ARSJ: variants seen among roughly 807,000 people sequenced by gnomAD.
The protein encoded by ARSJ is arylsulfatase J.
Under a neutral mutation model 35.9 loss-of-function variants are expected in ARSJ, and 26 were observed. The observed-to-expected ratio is 0.72, with a 90% CI of 0.53 to 1.00. The LOEUF (loss-of-function observed/expected upper bound fraction) is 1.00, where lower values mean the gene tolerates loss of function less well. Among genes scored for constraint, ARSJ ranks in the 50% least tolerant of loss-of-function variants. The pLI is 0.00. For synonymous variants in ARSJ, 294 were observed against 267.6 expected (o/e 1.10, Z -0.96); for missense variants, 667 against 723.6 (o/e 0.92, Z 0.90).
At position 113,902,379 on chromosome 4, in the gene ARSJ, G is replaced by C. The variant is rs17046588; in HGVS notation, c.1695C>G (p.Ser565Arg). The stretch of plus-strand genomic sequence containing the variant: ...TTTGCTTTTTCTCAGCCTGATTTTT[G>C]CTTGGCTTCTTTTTCTTGGTTTCCT... ...YKEETKKKKP[S>R]KNQAEKKQKK... Residue 565 changes from serine to arginine, a missense_variant, in exon 2 of 2, where the codon AGC (serine) becomes AGG (arginine). Transcript: ENST00000315366. 1.6e-3 allele frequency: 2,613 copies of C among 1,613,268 alleles called. 21 individuals carry two copies. The African/African-American group carries it at 0.03, about 19-fold the overall frequency.
chr4:113,929,294 AG>A, intron 1 of ARSJ, among the ~76,000 whole-genome samples: 1 of 152,228 alleles, frequency 6.6e-6, no homozygotes, highest in South Asian at 2.1e-4. Context: ...AGAAACAAAC[AG>A]GGGTGTTGGG....
chr4:113,969,286 T>TCAGAACTAA (rs1727091247), intron 1 of ARSJ, among the ~76,000 whole-genome samples: 3 of 152,104 alleles, frequency 2.0e-5, no homozygotes, highest in Admixed American at 1.3e-4. Context: ...TTTGGACATC[T>TCAGAACTAA]CAGAACTAAC....
At chr4:113,974,076 A>G (rs752080536) in intron 1 of ARSJ, among the ~76,000 whole-genome samples, 14 of 152,158 alleles carry the variant, frequency 9.2e-5, no homozygotes, top group Non-Finnish European at 2.9e-5. Flanking sequence ...TGTGGGTCAA[A>G]TGGGTATACA....
At chr4:113,954,519 A>T (rs563592776) in intron 1 of ARSJ, among the ~76,000 whole-genome samples, 222 of 152,188 alleles carry the variant, frequency 1.5e-3, no homozygotes, top group Non-Finnish European at 2.4e-3. Context: ...GTATTTCGAA[A>T]ACTTGAAATT....
chr4:113,934,152 G>A (rs1724625845), intron 1 of ARSJ, among the ~76,000 whole-genome samples: 1 of 151,814 alleles, frequency 6.6e-6, no homozygotes, highest in African/African-American at 2.4e-5. Context: ...TACACTGCTG[G>A]TGGAAATATA....
intron 1 of ARSJ, among the ~76,000 whole-genome samples, chr4:113,930,198 T>C (rs1724344038): frequency 6.6e-6 from 1 of 152,094 alleles, no homozygotes; most frequent in South Asian, 2.1e-4. Flanking sequence ...TAACTTACAC[T>C]ATCACAAGGT....
Position 113,903,249 on chromosome 4 carries a change from A to G in ARSJ, c.825T>C (p.Pro275=). Residue 275 remains proline (P), a synonymous_variant, in exon 2 of 2, where the codon CCT becomes CCC. Transcript: ENST00000315366. ...YQAVHSPLQA[P]GRYFEHYRSI... ...ATCGGTAGTGTTCGAAATACCTGCCAGGAGCTTGCAGTGGTGAATGAACAG... is the reference window on the plus strand; with the variant it reads ...ATCGGTAGTGTTCGAAATACCTGCCGGGAGCTTGCAGTGGTGAATGAACAG... 6.2e-7 allele frequency: 1 copy of G among 1,614,214 alleles called. No homozygotes were observed. The highest frequency in any genetic ancestry group is 8.5e-7 in the Non-Finnish European group (1 of 1,180,034).
At chr4:113,909,947 T>C (rs145062521) in intron 1 of ARSJ, among the ~76,000 whole-genome samples, 8 of 152,310 alleles carry the variant, frequency 5.3e-5, no homozygotes, top group African/African-American at 1.7e-4. Context: ...ATCGATTATA[T>C]ATTTAACATT....
At chr4:113,917,472 A>T (rs1723385298) in intron 1 of ARSJ, among the ~76,000 whole-genome samples, 1 of 152,236 alleles carries the variant, frequency 6.6e-6, no homozygotes, top group African/African-American at 2.4e-5. Context: ...AAGTGCAAGG[A>T]TTAGCTAAAA....
intron 1 of ARSJ, among the ~76,000 whole-genome samples, chr4:113,960,191 C>A (rs984160028): frequency 3.9e-5 from 6 of 152,026 alleles, no homozygotes; most frequent in Admixed American, 2.0e-4. Flanking sequence ...TTGTAGTGGG[C>A]ATTTTACAAA....
chr4:113,929,624 G>C (rs1326995088), intron 1 of ARSJ, among the ~76,000 whole-genome samples: 3 of 152,146 alleles, frequency 2.0e-5, no homozygotes, highest in African/African-American at 7.2e-5. Context: ...TGGTGAGGCT[G>C]TGCAGGCACC....
At chr4:113,939,780 G>GT (rs761544821) in intron 1 of ARSJ, among the ~76,000 whole-genome samples, 20 of 151,646 alleles carry the variant, frequency 1.3e-4, no homozygotes, top group East Asian at 3.9e-4. Context: ...GTTTTGTTTT[G>GT]TTTTTTGTAA....
intron 1 of ARSJ, among the ~76,000 whole-genome samples, chr4:113,957,828 A>T (rs1404545016): frequency 1.3e-5 from 2 of 152,134 alleles, no homozygotes; most frequent in African/African-American, 4.8e-5. Flanking sequence ...TTATGATGTA[A>T]CAGCAGTCTA....
At chr4:113,935,471 C>T (rs10012647) in intron 1 of ARSJ, among the ~76,000 whole-genome samples, 17,186 of 151,712 alleles carry the variant, frequency 0.11, 1,178 homozygotes, top group African/African-American at 0.19. Flanking sequence ...AGACAGAAAA[C>T]CCTTTGGGTG....
In ARSJ at chr4:113,970,672, G is replaced by A. The variant is rs188487243; in HGVS notation, c.398+7765C>T. 1.4e-3 allele frequency among the ~76,000 whole-genome samples: 214 copies of A among 152,090 alleles called. 2 individuals carry two copies. The highest frequency in any genetic ancestry group is 4.9e-3 in the African/African-American group (202 of 41,492). On this transcript the variant is annotated intron_variant, in intron 1 of 1. Coordinates refer to ENST00000315366, the MANE Select transcript of ARSJ (RefSeq NM_024590.4). ...GTGTTGGGTAAATTAGAGGAGAGAGGGGCTGGGCAAGGTGGCTCATTCCTA... is the reference window on the plus strand; with the variant it reads ...GTGTTGGGTAAATTAGAGGAGAGAGAGGCTGGGCAAGGTGGCTCATTCCTA...
chr4:113,955,218 A>G (rs1726102349), intron 1 of ARSJ, among the ~76,000 whole-genome samples: 1 of 151,910 alleles, frequency 6.6e-6, no homozygotes, highest in South Asian at 2.1e-4. Context: ...CATAGATCCA[A>G]TGGCACTGCC....
chr4:113,915,507 G>C (rs1169030156), intron 1 of ARSJ, among the ~76,000 whole-genome samples: 1 of 152,002 alleles, frequency 6.6e-6, no homozygotes, highest in African/African-American at 2.4e-5. Context: ...ATGTACAGTA[G>C]CATGGTTATA....
At chr4:113,960,714 T>C (rs1433739536) in intron 1 of ARSJ, among the ~76,000 whole-genome samples, 1 of 152,100 alleles carries the variant, frequency 6.6e-6, no homozygotes, top group African/African-American at 2.4e-5. Flanking sequence ...ATTAACATAT[T>C]ACTTATTTGT....
intron 1 of ARSJ, among the ~76,000 whole-genome samples, chr4:113,971,472 G>A (rs1727246223): frequency 6.6e-6 from 1 of 152,126 alleles, no homozygotes; most frequent in African/African-American, 2.4e-5. Context: ...TTGAGCTTAA[G>A]AGTGTGCCAA....
Sources: gnomAD v4.1 joint callset for allele counts (sites outside exome capture counted in the v4.1 genomes callset) on GRCh38, gnomAD v4.1.1 for gene constraint, MANE v1.5 for transcripts, NCBI Gene and HGNC (gene_info 2026-07-23, HGNC 2026-07-21) for gene names.